Variants in EML6 observed in about 807,000 individuals in gnomAD.
EML6 encodes the protein echinoderm microtubule-associated protein-like 6.
A neutral mutation model predicts 240.1 loss-of-function variants in EML6; 154 were observed. The ratio of observed to expected loss-of-function variants is 0.64; its 90% CI spans 0.56 to 0.73. The LOEUF (loss-of-function observed/expected upper bound fraction) is 0.73. EML6 is among the 30% of genes least tolerant of loss of function. The pLI is 0.00. For missense variants in EML6, 2,964 were observed against 2,474.6 expected (o/e 1.20, Z -4.20); for synonymous variants, 1,148 against 899.0 (o/e 1.28, Z -4.95).
intron 16 of EML6, among the ~76,000 whole-genome samples, chr2:54,876,902 A>C (rs1671534722): frequency 6.6e-6 from 1 of 151,994 alleles, no homozygotes; most frequent in South Asian, 2.1e-4. Flanking sequence ...AGCTATAGTC[A>C]CCTTAATATG....
At chr2:54,870,648 A>G (rs1218151111) in intron 15 of EML6, among the ~76,000 whole-genome samples, 1 of 151,386 alleles carries the variant, frequency 6.6e-6, no homozygotes, top group Non-Finnish European at 1.5e-5. Context: ...TGCTTGATTC[A>G]CGTGTATTTA....
intron 2 of EML6, among the ~76,000 whole-genome samples, chr2:54,793,841 T>A (rs111836863): frequency 0.018 from 2,708 of 151,986 alleles, 83 homozygotes; most frequent in African/African-American, 0.061. Flanking sequence ...TGGCTGGAAC[T>A]CCCTGGAACT....
chr2:54,896,873 CTG>C (rs1422797371), intron 21 of EML6, among the ~76,000 whole-genome samples: 2 of 152,156 alleles, frequency 1.3e-5, no homozygotes, highest in Admixed American at 1.3e-4. Context: ...CTGAACAAGT[CTG>C]TGTTTTTAAA....
chr2:54,847,347 A>G (rs908119894), intron 8 of EML6, 139 bp from the exon 9 acceptor site: 1 of 789,678 alleles, frequency 1.3e-6, no homozygotes, highest in Middle Eastern at 3.8e-4. Flanking sequence ...CTGACAGGCC[A>G]TGATAAAGGG....
At chr2:54,740,536 T>G (rs1683584159) in intron 2 of EML6, among the ~76,000 whole-genome samples, 1 of 152,168 alleles carries the variant, frequency 6.6e-6, no homozygotes, top group Non-Finnish European at 1.5e-5. Context: ...TTCATCTGGG[T>G]TTTAAGCTTT....
chr2:54,886,378 G>T (rs1213892966), intron 17 of EML6, among the ~76,000 whole-genome samples: 1 of 152,014 alleles, frequency 6.6e-6, no homozygotes, highest in Non-Finnish European at 1.5e-5. Flanking sequence ...TGTTGGCCAG[G>T]CTGGTCTCTA....
intron 28 of EML6, among the ~76,000 whole-genome samples, chr2:54,942,715 C>G (rs1328791695): frequency 6.6e-6 from 1 of 152,134 alleles, no homozygotes; most frequent in African/African-American, 2.4e-5. Flanking sequence ...GTCAACTGGC[C>G]AACCCCAGCC....
chr2:54,946,450 C>T (rs1283096431), intron 28 of EML6, among the ~76,000 whole-genome samples: 1 of 152,200 alleles, frequency 6.6e-6, no homozygotes, highest in South Asian at 2.1e-4. Context: ...CTCCTTCCCA[C>T]CTCAGCAAAG....
At chr2:54,955,934 G>A (rs954507756) in intron 32 of EML6, among the ~76,000 whole-genome samples, 12 of 152,282 alleles carry the variant, frequency 7.9e-5, no homozygotes, top group African/African-American at 2.9e-4. Context: ...AATAGCATGT[G>A]TTTGGGGAGG....
At chr2:54,968,804 G>T (rs780053381) in intron 41 of EML6, 36 bp downstream of exon 41, 1 of 1,171,722 alleles carries the variant, frequency 8.5e-7, no homozygotes, top group South Asian at 1.3e-5. Flanking sequence ...TACTCCACAG[G>T]CCTGGCCAGC....
At chr2:54,909,389 A>G (rs17046484) in intron 24 of EML6, among the ~76,000 whole-genome samples, 19,314 of 152,242 alleles carry the variant, frequency 0.13, 1,303 homozygotes, top group South Asian at 0.18. Context: ...AGATGTGCCC[A>G]TTTCAGGGTA....
intron 14 of EML6, 196 bp from the exon 15 acceptor site, chr2:54,868,985 C>G (rs993930653): frequency 2.8e-5 from 14 of 508,436 alleles, no homozygotes; most frequent in African/African-American, 2.5e-4. Flanking sequence ...TGTTCAGTGC[C>G]CATGTGCCTT....
intron 2 of EML6, among the ~76,000 whole-genome samples, chr2:54,796,181 A>G (rs751079942): frequency 6.6e-6 from 1 of 152,232 alleles, no homozygotes; most frequent in Admixed American, 6.5e-5. Context: ...ATATCTATCT[A>G]TGACATCTCT....
At chr2:54,834,766 C>G (rs1413721686) in intron 7 of EML6, among the ~76,000 whole-genome samples, 2 of 152,194 alleles carry the variant, frequency 1.3e-5, no homozygotes, top group East Asian at 3.8e-4. Flanking sequence ...ACATGAGATG[C>G]CCTGCTTAGA....
At chr2:54,906,322 G>T (rs1249667121) in intron 24 of EML6, among the ~76,000 whole-genome samples, 2 of 152,196 alleles carry the variant, frequency 1.3e-5, no homozygotes, top group Non-Finnish European at 2.9e-5. Context: ...AGATGGTGGG[G>T]ATATAAAGAG....
At chr2:54,800,908 C>T (rs887598823) in intron 2 of EML6, among the ~76,000 whole-genome samples, 2 of 152,126 alleles carry the variant, frequency 1.3e-5, no homozygotes, top group Non-Finnish European at 2.9e-5. Flanking sequence ...GGAACAGGAG[C>T]TGGTAAATGG....
chr2:54,795,047 C>T (rs7582017), intron 2 of EML6, among the ~76,000 whole-genome samples: 2,730 of 152,162 alleles, frequency 0.018, 87 homozygotes, highest in African/African-American at 0.061. Context: ...ACTATTTATT[C>T]GTGTTTTTTT....
chr2:54,927,047 CCT>C (rs1674585154), intron 26 of EML6, among the ~76,000 whole-genome samples: 1 of 152,182 alleles, frequency 6.6e-6, no homozygotes, highest in Non-Finnish European at 1.5e-5. Context: ...CTGTGACTGT[CCT>C]CTGTTTCCAT....
chr2:54,840,664 A>G (rs1219594558), intron 7 of EML6, among the ~76,000 whole-genome samples: 1 of 152,164 alleles, frequency 6.6e-6, no homozygotes, highest in Non-Finnish European at 1.5e-5. Context: ...ATCTCCAAGG[A>G]CTCAAATATT....
Sources: gnomAD v4.1 joint callset for allele counts (sites outside exome capture counted in the v4.1 genomes callset) on GRCh38, gnomAD v4.1.1 for gene constraint, MANE v1.5 for transcripts, NCBI Gene and HGNC (gene_info 2026-07-23, HGNC 2026-07-21) for gene names.